CCDC33: variants seen among roughly 807,000 people sequenced by gnomAD.
CCDC33 encodes the protein coiled-coil domain containing 33, also known as coiled-coil domain-containing protein 33.
Under a neutral mutation model 91.9 loss-of-function variants are expected in CCDC33, and 94 were observed. The ratio of observed to expected loss-of-function variants is 1.02; its 90% confidence interval spans 0.87 to 1.21. The LOEUF is 1.21. CCDC33 is among the 50% of genes most tolerant of loss of function. CCDC33 has a pLI of 0.00. For synonymous variants in CCDC33, 396 were observed against 374.5 expected (o/e 1.06, Z -0.66); for missense variants, 940 against 935.5 (o/e 1.00, Z -0.06).
At chr15:74,237,764 G>A (rs2075215518) in intron 1 of CCDC33, among the ~76,000 whole-genome samples, 1 of 152,220 alleles carries the variant, frequency 6.6e-6, no homozygotes, top group African/African-American at 2.4e-5. Flanking sequence ...TCTGGGGAGT[G>A]TGCGTGGGAG....
At chr15:74,265,421 CTCT>C (rs972050728) in intron 3 of CCDC33, among the ~76,000 whole-genome samples, 2 of 152,218 alleles carry the variant, frequency 1.3e-5, no homozygotes, top group African/African-American at 2.4e-5. Context: ...CCCTCCCCAT[CTCT>C]TCTTCCTCCT....
At chr15:74,272,709 C>A in intron 6 of CCDC33, 62 bp from the exon 7 acceptor site, 5 of 1,593,640 alleles carry the variant, frequency 3.1e-6, no homozygotes, top group Non-Finnish European at 4.3e-6. Context: ...AGCGGGGGGC[C>A]CTGGGCTGCC....
intron 1 of CCDC33, among the ~76,000 whole-genome samples, chr15:74,242,256 C>T (rs2075371905): frequency 6.6e-6 from 1 of 152,306 alleles, no homozygotes; most frequent in African/African-American, 2.4e-5. Context: ...CTTTGGGGCC[C>T]AGCATGGTGA....
At chr15:74,307,175 C>T (rs968365814) in intron 11 of CCDC33, among the ~76,000 whole-genome samples, 2 of 152,120 alleles carry the variant, frequency 1.3e-5, no homozygotes, top group Admixed American at 6.6e-5. Context: ...CTTGAATCAT[C>T]GATTGGTGAG....
exon 1 of CCDC33, chr15:74,217,215 C>G (rs997168524): frequency 6.7e-6 from 8 of 1,193,274 alleles, no homozygotes; most frequent in Non-Finnish European, 7.5e-6. Context: ...TGGGTCCAGG[C>G]TGGGCTGTGG....
rs1466279908 is a variant in CCDC33 at position 74,244,112 on chromosome 15, G to T, written c.149G>T (p.Cys50Phe). 1 of 1,613,634 alleles carries T rather than the reference G, an allele frequency of 6.2e-7. No individual in the cohort carries two copies. The highest frequency in any genetic ancestry group is 8.5e-7 in the Non-Finnish European group (1 of 1,179,786). Residue 50 changes from cysteine (C) to phenylalanine (F), a missense_variant, in exon 2 of 19, where the codon TGC becomes TTC. Physicochemically the swap from Cys to Phe is radical, Grantham distance 205. Coordinates refer to ENST00000398814, the MANE Select transcript of CCDC33 (RefSeq NM_025055.5). This position sits in a 1 kb window ranked among gnomAD's most constrained non-coding sequence, Gnocchi z 4.2. Reference protein sequence around the residue: ...TLHGATNLPACKDGSEPWPYV... With the variant: ...TLHGATNLPAFKDGSEPWPYV... ...CATGGGGCTACCAACCTGCCTGCCT[G>T]CAAGGATGGCTCCGAGCCGTGGCCC...
At chr15:74,308,957 C>T (rs927585436) in intron 11 of CCDC33, among the ~76,000 whole-genome samples, 2 of 151,980 alleles carry the variant, frequency 1.3e-5, no homozygotes, top group Non-Finnish European at 2.9e-5. Flanking sequence ...AGACCTCACC[C>T]TCCTGCCTTC....
intron 1 of CCDC33, among the ~76,000 whole-genome samples, chr15:74,239,204 C>G (rs1438120858): frequency 1.3e-5 from 2 of 152,120 alleles, no homozygotes; most frequent in Non-Finnish European, 2.9e-5. Context: ...GAACTGGGCT[C>G]AGCTCCTCAG....
At chr15:74,318,059 G>A (rs2899825) in intron 11 of CCDC33, among the ~76,000 whole-genome samples, 66,651 of 150,320 alleles carry the variant, frequency 0.44, 17,099 homozygotes, top group Non-Finnish European at 0.58. Context: ...GCTGCAGGGA[G>A]GAGAGTGAGC....
chr15:74,285,065 A>C (rs962589084), intron 10 of CCDC33, among the ~76,000 whole-genome samples: 1 of 152,262 alleles, frequency 6.6e-6, no homozygotes, highest in Non-Finnish European at 1.5e-5. Context: ...CACATGGTCA[A>C]CAACTCCATC....
intron 2 of CCDC33, among the ~76,000 whole-genome samples, chr15:74,255,350 G>C (rs1184220276): frequency 6.6e-6 from 1 of 152,242 alleles, no homozygotes; most frequent in Non-Finnish European, 1.5e-5. Flanking sequence ...CGACTGGTGA[G>C]CCTGAACACA....
chr15:74,286,395 A>C (rs1033169688), intron 10 of CCDC33, among the ~76,000 whole-genome samples: 2 of 151,924 alleles, frequency 1.3e-5, no homozygotes, highest in Non-Finnish European at 2.9e-5. Context: ...GGGAGTCTAC[A>C]CTTCCCCAGG....
At chr15:74,325,044 C>G (rs939455058) in intron 11 of CCDC33, among the ~76,000 whole-genome samples, 1 of 151,674 alleles carries the variant, frequency 6.6e-6, no homozygotes, top group Non-Finnish European at 1.5e-5. Context: ...CCTGCTCTGC[C>G]ATCCCCAACC....
At position 74,307,542 on chromosome 15, in the gene CCDC33, G is replaced by A. The variant is rs575922938; in HGVS notation, c.1290+11594G>A. ...CCAGCCTAGCACTTGAGCCTTGGCC[G>A]AGCCTGGTGACTTGGAAGTCAGGAG... On this transcript the variant is annotated intron_variant, in intron 11 of 18. Transcript: ENST00000398814. 5.9e-5 allele frequency among the ~76,000 whole-genome samples: 9 copies of A among 152,098 alleles called. No individual in the cohort carries two copies. In the East Asian group the frequency reaches 7.8e-4, roughly 13 times the overall value.
chr15:74,232,609 G>A (rs978741756), upstream of CCDC33, among the ~76,000 whole-genome samples: 1 of 152,202 alleles, frequency 6.6e-6, no homozygotes, highest in African/African-American at 2.4e-5. Flanking sequence ...AGTTGGATGA[G>A]GTGGGAAATG....
At chr15:74,289,314 G>A (rs1319139860) in intron 10 of CCDC33, among the ~76,000 whole-genome samples, 3 of 152,236 alleles carry the variant, frequency 2.0e-5, no homozygotes, top group Non-Finnish European at 2.9e-5. Flanking sequence ...CTGAGTTGGG[G>A]GCTGTGGAGC....
chr15:74,310,834 G>A (rs1387790646), intron 11 of CCDC33, among the ~76,000 whole-genome samples: 1 of 152,236 alleles, frequency 6.6e-6, no homozygotes, highest in Non-Finnish European at 1.5e-5. Flanking sequence ...CTGGGTGACA[G>A]GCAGGGGAGG....
At position 74,335,050 on chromosome 15, in the gene CCDC33, T is replaced by G; in HGVS notation, c.2101T>G (p.Phe701Val). 1 of 1,614,072 alleles carries G rather than the reference T, an allele frequency of 6.2e-7. No individual in the cohort carries two copies. Among genetic ancestry groups the G allele is most frequent in the African/African-American group, 1.3e-5 (1 of 74,984 alleles). The change falls in exon 18 of 19, where the codon TTC becomes GTC. Residue 701 changes from phenylalanine to valine, a missense_variant. By Grantham distance (50) the Phe-to-Val change is conservative (BLOSUM62 -1). Transcript: ENST00000398814. Reference sequence around the variant, plus strand: ...ACGGCTGCAGGAGCAAGAAAAAGGTTTCAGGCACCCCTCGAACTCCATCAT... The same window carrying G: ...ACGGCTGCAGGAGCAAGAAAAAGGTGTCAGGCACCCCTCGAACTCCATCAT... ...ATRLQEQEKG[F>V]RHPSNSIIIE...
At chr15:74,336,297 A>G (rs1003329020), downstream of CCDC33, 2 of 1,413,524 alleles carry the variant, frequency 1.4e-6, no homozygotes, top group Non-Finnish European at 1.9e-6. Context: ...GCCACAGTGG[A>G]CCCAGGAGGG....
Sources: gnomAD v4.1 joint callset for allele counts (sites outside exome capture counted in the v4.1 genomes callset) on GRCh38, gnomAD v4.1.1 for gene constraint, Gnocchi (gnomAD v3.1) non-coding constraint, MANE v1.5 for transcripts, NCBI Gene and HGNC (gene_info 2026-07-23, HGNC 2026-07-21) for gene names.